The following CYB5A variants were observed in gnomAD, a reference collection of about 807,000 sequenced individuals.
The protein encoded by CYB5A is cytochrome b5 type A.
A neutral mutation model predicts 16.2 loss-of-function variants in CYB5A; 10 were observed. The observed-to-expected ratio is 0.62, with a 90% confidence interval of 0.38 to 1.04. The LOEUF (loss-of-function observed/expected upper bound fraction) is 1.04, where lower values mean the gene tolerates loss of function less well. CYB5A is among the 50% of genes least tolerant of loss of function. The probability of loss-of-function intolerance (pLI) is 0.01; values close to 1 mark genes in which losing one functional copy is unlikely to be tolerated. For missense variants in CYB5A, 161 were observed against 165.9 expected (o/e 0.97, Z 0.16); for synonymous variants, 62 against 57.0 (o/e 1.09, Z -0.40).
intron 1 of CYB5A, among the ~76,000 whole-genome samples, chr18:74,277,554 AAGTTAG>A (rs1982927375): frequency 1.3e-5 from 2 of 152,204 alleles, no homozygotes; most frequent in Middle Eastern, 3.2e-3. Flanking sequence ...CACCCTCAAG[AAGTTAG>A]AGTCTAGTAA....
intron 3 of CYB5A, chr18:74,256,838 A>G: frequency 6.2e-7 from 1 of 1,614,012 alleles, no homozygotes; most frequent in Non-Finnish European, 8.5e-7. Flanking sequence ...ACCTTGAAAC[A>G]CCGCCTTTAA....
chr18:74,275,808 A>G lies in CYB5A; in HGVS notation c.130-12331T>C, dbSNP rs556267588. 7.2e-5 allele frequency among the ~76,000 whole-genome samples: 11 copies of G among 152,282 alleles called. No individual in the cohort carries two copies. In the East Asian group the frequency reaches 1.9e-3, roughly 27 times the overall value. On this transcript the variant is annotated intron_variant, in intron 1 of 4. Coordinates refer to ENST00000340533, the MANE Select transcript of CYB5A (RefSeq NM_148923.4). ...TAACCTCAGCCCCTTTAGAATAGTT[A>G]GGATGTGGATCAATAGAGCAGATAA...
intron 1 of CYB5A, among the ~76,000 whole-genome samples, chr18:74,280,407 CAA>C (rs149442312): frequency 3.5e-4 from 29 of 83,870 alleles, no homozygotes; most frequent in Non-Finnish European, 3.0e-4. Context: ...CCTGTCTCTA[CAA>C]AAAAAAAAAA....
intron 1 of CYB5A, among the ~76,000 whole-genome samples, chr18:74,276,141 G>C (rs973764092): frequency 1.3e-5 from 2 of 152,082 alleles, no homozygotes; most frequent in Non-Finnish European, 2.9e-5. Flanking sequence ...CAAACGGTAG[G>C]GTGAAGGTGA....
intron 3 of CYB5A, chr18:74,258,469 G>T (rs1982073730): frequency 6.6e-6 from 1 of 152,136 alleles, no homozygotes; most frequent in Non-Finnish European, 1.5e-5. Context: ...CTTAGGGCAG[G>T]TTCAAGCTAA....
chr18:74,264,746 GTGCTTTCAGC>G (rs1439227664), intron 1 of CYB5A, among the ~76,000 whole-genome samples: 3 of 152,176 alleles, frequency 2.0e-5, no homozygotes, highest in Non-Finnish European at 4.4e-5. Flanking sequence ...AAGAGTTTTA[GTGCTTTCAGC>G]TGCTTTAATA....
intron 1 of CYB5A, among the ~76,000 whole-genome samples, chr18:74,270,425 A>C (rs1433064767): frequency 6.6e-6 from 1 of 152,076 alleles, no homozygotes; most frequent in African/African-American, 2.4e-5. Context: ...ATCATTCATT[A>C]AGTTAAATAA....
intron 1 of CYB5A, among the ~76,000 whole-genome samples, chr18:74,282,243 T>C (rs1259282369): frequency 6.6e-6 from 1 of 152,162 alleles, no homozygotes; most frequent in Admixed American, 6.5e-5. Flanking sequence ...CACTAGCATG[T>C]GCCGTGTGTG....
At chr18:74,278,524 C>T (rs187978720) in intron 1 of CYB5A, among the ~76,000 whole-genome samples, 3 of 152,256 alleles carry the variant, frequency 2.0e-5, no homozygotes, top group Non-Finnish European at 4.4e-5. Context: ...ACCCAAGGGA[C>T]CCCCTTCTCA....
chr18:74,289,011 T>C (rs1231471032), intron 1 of CYB5A, among the ~76,000 whole-genome samples: 1 of 152,196 alleles, frequency 6.6e-6, no homozygotes, highest in Non-Finnish European at 1.5e-5. Context: ...GTTCTCGCAA[T>C]GCCTGAAGAT....
intron 4 of CYB5A, among the ~76,000 whole-genome samples, chr18:74,253,957 T>C (rs1981865087): frequency 6.6e-6 from 1 of 152,152 alleles, no homozygotes. Context: ...GGCAGACGGA[T>C]CACTTGAGGT....
rs374003656 is a variant in CYB5A at position 74,275,977 on chromosome 18, C to T, written c.130-12500G>A. Reference sequence around the variant, plus strand: ...CGCGGCACCGGGATCTGACCCAGCCCAGAGGCGTCTCCAACCCCATTTCTC... The same window carrying T: ...CGCGGCACCGGGATCTGACCCAGCCTAGAGGCGTCTCCAACCCCATTTCTC... On this transcript the variant is annotated intron_variant, in intron 1 of 4. Coordinates refer to ENST00000340533, the MANE Select transcript of CYB5A (RefSeq NM_148923.4). 2.5e-4 allele frequency among the ~76,000 whole-genome samples: 38 copies of T among 152,222 alleles called. 1 individual carries two copies. The South Asian group carries it at 7.7e-3, about 31-fold the overall frequency.
rs533791792 is a variant in CYB5A at position 74,264,962 on chromosome 18, AACTT to A, written c.130-1489_130-1486del. ...TACGTACTTTTGTAGGAAAAAAAAA[AACTT>A]CTTTAACTGAGCTTGAATGTTATTT... On this transcript the variant is annotated intron_variant, in intron 1 of 4. Transcript: ENST00000340533. Among the ~76,000 whole-genome samples, 301 of 152,194 alleles carry A rather than the reference AACTT, an allele frequency of 2.0e-3. 2 individuals are homozygous for A. Among genetic ancestry groups the A allele is most frequent in the African/African-American group, 7.0e-3 (289 of 41,538 alleles).
chr18:74,278,310 A>C (rs80136002), intron 1 of CYB5A, among the ~76,000 whole-genome samples: 3,085 of 152,290 alleles, frequency 0.02, 135 homozygotes, highest in East Asian at 0.19. Flanking sequence ...TGAGTCCCTC[A>C]GGCACAGTCT....
chr18:74,288,629 GC>G (rs970323411), intron 1 of CYB5A, among the ~76,000 whole-genome samples: 4 of 152,160 alleles, frequency 2.6e-5, no homozygotes, highest in African/African-American at 9.7e-5. Flanking sequence ...AAACAGACTA[GC>G]CTCATAACAA....
At chr18:74,268,681 T>C (rs1982546081) in intron 1 of CYB5A, among the ~76,000 whole-genome samples, 1 of 151,594 alleles carries the variant, frequency 6.6e-6, no homozygotes, top group South Asian at 2.1e-4. Context: ...TGAGGCAGAG[T>C]GGACGAGAGG....
At chr18:74,255,692 C>A (rs1981948764) in intron 4 of CYB5A, 49 bp downstream of exon 4, 1 of 1,526,034 alleles carries the variant, frequency 6.6e-7, no homozygotes, top group South Asian at 1.1e-5. Context: ...CAACCTGGAC[C>A]CATGAGCCCT....
chr18:74,288,832 G>T (rs1983418864), intron 1 of CYB5A, among the ~76,000 whole-genome samples: 2 of 152,190 alleles, frequency 1.3e-5, no homozygotes, highest in South Asian at 4.1e-4. Context: ...GCAAGAGATG[G>T]TCACAGAAAG....
At chr18:74,261,304 TG>T in intron 2 of CYB5A, 1 of 322,508 alleles carries the variant, frequency 3.1e-6, no homozygotes, top group South Asian at 2.9e-5. Flanking sequence ...TTTGAGATTG[TG>T]CATGTATCTC....
Sources: gnomAD v4.1 joint callset for allele counts (sites outside exome capture counted in the v4.1 genomes callset) on GRCh38, gnomAD v4.1.1 for gene constraint, MANE v1.5 for transcripts, NCBI Gene and HGNC (gene_info 2026-07-23, HGNC 2026-07-21) for gene names.